WNT3: variants seen among roughly 807,000 people sequenced by gnomAD.
WNT3 encodes the protein proto-oncogene Wnt-3.
In WNT3, 7 loss-of-function variants were observed where a neutral mutation model predicts 34.2. The ratio of observed to expected loss-of-function variants is 0.20; its 90% CI spans 0.12 to 0.38. The LOEUF is 0.38. Among genes scored for constraint, WNT3 ranks in the 10% least tolerant of loss-of-function variants. The probability of loss-of-function intolerance (pLI) is 1.00; values close to 1 mark genes in which losing one functional copy is unlikely to be tolerated. For synonymous variants in WNT3, 212 were observed against 211.5 expected, an observed-to-expected ratio of 1.00 and a Z score of -0.02; for missense variants, 267 against 499.8, an observed-to-expected ratio of 0.53 and a Z score of 4.44.
intron 1 of WNT3, among the ~76,000 whole-genome samples, chr17:46,818,171 C>T (rs973088676): frequency 6.6e-6 from 1 of 152,068 alleles, no homozygotes; most frequent in Non-Finnish European, 1.5e-5. Flanking sequence ...AGGGACAGTG[C>T]TGGATTTCCA....
intron 1 of WNT3, among the ~76,000 whole-genome samples, chr17:46,784,320 G>A (rs1471414466): frequency 6.6e-6 from 1 of 152,186 alleles, no homozygotes; most frequent in African/African-American, 2.4e-5. Flanking sequence ...GAGGAAGTGC[G>A]TGGGGCCAGA....
chr17:46,811,628 C>T (rs575109880), intron 1 of WNT3, among the ~76,000 whole-genome samples: 5 of 152,188 alleles, frequency 3.3e-5, no homozygotes, highest in South Asian at 2.1e-4. Context: ...ACAGGGTGCC[C>T]GAAGGAGAGC....
intron 1 of WNT3, among the ~76,000 whole-genome samples, chr17:46,815,651 C>G (rs1013834200): frequency 2.6e-5 from 4 of 152,118 alleles, no homozygotes; most frequent in African/African-American, 9.7e-5. Context: ...CACCCTCCAC[C>G]CCAGCTCCAA....
At chr17:46,776,945 C>T (rs1469328746) in intron 1 of WNT3, among the ~76,000 whole-genome samples, 1 of 152,178 alleles carries the variant, frequency 6.6e-6, no homozygotes, top group Admixed American at 6.5e-5. Flanking sequence ...TTGACACCTT[C>T]TGCAGGCCTG....
intron 1 of WNT3, among the ~76,000 whole-genome samples, chr17:46,794,752 CTTTTTTTTT>C (rs5820620): frequency 1.5e-5 from 2 of 129,286 alleles, no homozygotes; most frequent in South Asian, 2.7e-4. Context: ...CTTTCTTTTT[CTTTTTTTTT>C]TTTTTTTTTA....
intron 1 of WNT3, among the ~76,000 whole-genome samples, chr17:46,816,175 A>G (rs2146474679): frequency 7.9e-6 from 1 of 126,760 alleles, no homozygotes; most frequent in Admixed American, 8.1e-5. Flanking sequence ...ATGCCCAGTC[A>G]TGAACACAGT....
rs1164709504 is a variant in WNT3, at chr17:46,762,724, C to T, written c.*1906G>A. ...ACAACTTTTTACAAAACTTTGGATA[C>T]AGCAGGTTGGTAGGAAATTTCGGTT... is the stretch of plus-strand genomic sequence containing the variant. On this transcript the variant is annotated 3_prime_UTR_variant, in exon 5 of 5. Transcript: ENST00000225512. The T allele has an allele frequency of 6.6e-6, 1 of 151,968 alleles. No individual in the cohort carries two copies. The highest frequency in any genetic ancestry group is 1.5e-5 in the Non-Finnish European group (1 of 68,004). 9.4% of individuals were successfully genotyped at this position (151,968 alleles called of 1,614,324 possible).
intron 1 of WNT3, among the ~76,000 whole-genome samples, chr17:46,811,122 A>AAGGGAAATGCTGATGTCAACT (rs1555688516): frequency 5.5e-5 from 8 of 145,362 alleles, no homozygotes; most frequent in Admixed American, 2.0e-4. Flanking sequence ...CAGGCTGCAA[A>AAGGGAAATGCTGATGTCAACT]CAGATAAATC....
intron 1 of WNT3, among the ~76,000 whole-genome samples, chr17:46,778,605 T>C (rs2059431288): frequency 6.6e-6 from 1 of 152,090 alleles, no homozygotes; most frequent in Non-Finnish European, 1.5e-5. Flanking sequence ...GCCACTCCTA[T>C]TCCCCATTAT....
Position 46,770,119 on chromosome 17 carries a change from A to G in WNT3, c.323-71T>C, listed in dbSNP as rs2059350580. 6.1e-6 allele frequency: 9 copies of G among 1,475,236 alleles called. No homozygotes were observed. In the South Asian group the frequency reaches 1.2e-4, roughly 20 times the overall value. 91.4% of individuals were successfully genotyped at this position (1,475,236 alleles called of 1,614,324 possible). On this transcript the variant is annotated intron_variant, in intron 2 of 4. Transcript: ENST00000225512. ...AGCGCCTGCCCTGCCTCCACCTCCC[A>G]GGCCAGGACGTGAGGGGAACGAGGC...
At chr17:46,782,061 C>T (rs2059466267) in intron 1 of WNT3, among the ~76,000 whole-genome samples, 1 of 152,176 alleles carries the variant, frequency 6.6e-6, no homozygotes, top group African/African-American at 2.4e-5. Flanking sequence ...GAAGGTGGAC[C>T]CAGGGGCTGC....
intron 1 of WNT3, among the ~76,000 whole-genome samples, chr17:46,804,249 G>A (rs376788827): frequency 4.6e-5 from 7 of 151,852 alleles, no homozygotes; most frequent in East Asian, 3.9e-4. Flanking sequence ...CACCACACCC[G>A]GCTAATTTTT....
chr17:46,773,989 C>T (rs1263901415), intron 1 of WNT3, 80 bp from the exon 2 acceptor site: 1 of 1,547,058 alleles, frequency 6.5e-7, no homozygotes, highest in African/African-American at 1.4e-5. Context: ...CTTTGTGAAC[C>T]CTCCGGGGTA....
At chr17:46,799,668 G>A (rs1471633264) in intron 1 of WNT3, among the ~76,000 whole-genome samples, 9 of 152,052 alleles carry the variant, frequency 5.9e-5, no homozygotes, top group African/African-American at 1.7e-4. Context: ...GGCTGGTCTC[G>A]AACTCCTGAC....
rs535595155 is a variant in WNT3 at position 46,786,576 on chromosome 17, G to T, written c.81-12667C>A. Among the ~76,000 whole-genome samples, 7 of 152,396 alleles carry T rather than the reference G, an allele frequency of 4.6e-5. No individual in the cohort carries two copies. In the South Asian group the frequency reaches 1.5e-3, roughly 32 times the overall value. ...AGGGGAGCAGCTCCCAAGGACACAT[G>T]CTGAGAGCTGGGTCCGTTTCTCCAC... On this transcript the variant is annotated intron_variant, in intron 1 of 4. Transcript: ENST00000225512.
At position 46,791,220 on chromosome 17, in the gene WNT3, T is replaced by C. The variant is rs899520670; in HGVS notation, c.81-17311A>G. 5.0e-4 allele frequency among the ~76,000 whole-genome samples: 76 copies of C among 151,954 alleles called. 1 individual carries two copies. The highest frequency in any genetic ancestry group is 5.0e-3 in the Admixed American group (76 of 15,264). ...CCAGGACTTCGCTTTCCTTACTCTTTTTTTTTTTTCTGAGACAGAGTCTCG... is the reference window on the plus strand; with the variant it reads ...CCAGGACTTCGCTTTCCTTACTCTTCTTTTTTTTTCTGAGACAGAGTCTCG... On this transcript the variant is annotated intron_variant, in intron 1 of 4. Transcript: ENST00000225512.
At chr17:46,793,605 G>A (rs1464824110) in intron 1 of WNT3, among the ~76,000 whole-genome samples, 1 of 152,184 alleles carries the variant, frequency 6.6e-6, no homozygotes, top group African/African-American at 2.4e-5. Context: ...GTGTGAGACA[G>A]GACAAAGAAT....
intron 1 of WNT3, among the ~76,000 whole-genome samples, chr17:46,779,052 A>ATC (rs1213978142): frequency 0.068 from 1,547 of 22,630 alleles, 41 homozygotes; most frequent in African/African-American, 0.24. Context: ...TCCCTACCCC[A>ATC]TCACACACAC....
chr17:46,804,482 G>A (rs930678991), intron 1 of WNT3, among the ~76,000 whole-genome samples: 3 of 152,096 alleles, frequency 2.0e-5, no homozygotes, highest in African/African-American at 7.2e-5. Context: ...TATGGGGAAG[G>A]GAAGTGCTGT....
Sources: gnomAD v4.1 joint callset for allele counts (sites outside exome capture counted in the v4.1 genomes callset) on GRCh38, gnomAD v4.1.1 for gene constraint, MANE v1.5 for transcripts, NCBI Gene and HGNC (gene_info 2026-07-23, HGNC 2026-07-21) for gene names.